SH3GL2: variants seen among roughly 807,000 people sequenced by gnomAD.
The protein encoded by SH3GL2 is SH3 domain containing GRB2 like 2, endophilin A1.
SH3GL2 carries 24 observed loss-of-function variants against 46.0 expected under a neutral mutation model. The observed-to-expected ratio is 0.52, with a 90% CI of 0.38 to 0.73. SH3GL2 has a LOEUF of 0.73. SH3GL2 is among the 30% of genes least tolerant of loss of function. SH3GL2 has a pLI of 0.00. For missense variants in SH3GL2, 413 were observed against 424.2 expected (o/e 0.97, Z 0.23); for synonymous variants, 196 against 147.1 (o/e 1.33, Z -2.40).
intron 3 of SH3GL2, among the ~76,000 whole-genome samples, chr9:17,785,655 T>C (rs933372520): frequency 2.0e-5 from 3 of 152,184 alleles, no homozygotes; most frequent in Admixed American, 2.0e-4. Flanking sequence ...TTAATAAAGC[T>C]GTTTTTGCCA....
At chr9:17,731,609 C>G (rs934267356) in intron 1 of SH3GL2, among the ~76,000 whole-genome samples, 2 of 152,120 alleles carry the variant, frequency 1.3e-5, no homozygotes, top group Non-Finnish European at 2.9e-5. Context: ...TCTTGGGCTT[C>G]TAGTTCTAGA....
intron 1 of SH3GL2, among the ~76,000 whole-genome samples, chr9:17,609,057 C>G (rs997736506): frequency 2.0e-5 from 3 of 152,170 alleles, no homozygotes; most frequent in African/African-American, 7.2e-5. Context: ...GGATCCAGAG[C>G]TGATGAAGGC....
At chr9:17,759,058 C>G (rs1457122616) in intron 2 of SH3GL2, among the ~76,000 whole-genome samples, 1 of 152,094 alleles carries the variant, frequency 6.6e-6, no homozygotes, top group Non-Finnish European at 1.5e-5. Context: ...GGTTGGGCTC[C>G]CTACACAGAG....
intron 1 of SH3GL2, among the ~76,000 whole-genome samples, chr9:17,730,603 A>G (rs1031208865): frequency 6.6e-6 from 1 of 152,088 alleles, no homozygotes; most frequent in African/African-American, 2.4e-5. Flanking sequence ...GGTTTGTCAT[A>G]AATAGCTCTT....
At chr9:17,787,546 G>A (rs769904222) in intron 5 of SH3GL2, 33 bp downstream of exon 5, 2 of 1,589,964 alleles carry the variant, frequency 1.3e-6, no homozygotes, top group African/African-American at 2.7e-5. Flanking sequence ...AAAGTGGGCA[G>A]TTGAAATCAT....
At chr9:17,777,300 A>T (rs1158508658) in intron 3 of SH3GL2, among the ~76,000 whole-genome samples, 1 of 152,134 alleles carries the variant, frequency 6.6e-6, no homozygotes, top group Non-Finnish European at 1.5e-5. Context: ...TATAAAGATA[A>T]AAGCTTCAGA....
intron 1 of SH3GL2, among the ~76,000 whole-genome samples, chr9:17,585,279 C>G (rs1045709906): frequency 9.2e-5 from 14 of 152,170 alleles, no homozygotes; most frequent in African/African-American, 2.9e-4. Flanking sequence ...CTGCTTCAAA[C>G]TTTAAGGTGG....
chr9:17,632,283 A>G (rs1819445254), intron 1 of SH3GL2, among the ~76,000 whole-genome samples: 1 of 152,210 alleles, frequency 6.6e-6, no homozygotes, highest in Non-Finnish European at 1.5e-5. Flanking sequence ...GAGAAAAATA[A>G]TTAAAAAATG....
chr9:17,596,030 A>G (rs751896880), intron 1 of SH3GL2, among the ~76,000 whole-genome samples: 11 of 152,180 alleles, frequency 7.2e-5, no homozygotes, highest in Non-Finnish European at 1.3e-4. Flanking sequence ...CTTTACTTGT[A>G]ACCCCACTTT....
chr9:17,595,224 C>T (rs1254562940), intron 1 of SH3GL2, among the ~76,000 whole-genome samples: 2 of 152,134 alleles, frequency 1.3e-5, no homozygotes, highest in Non-Finnish European at 2.9e-5. Flanking sequence ...CCTATTGTCA[C>T]CTTATATATC....
chr9:17,792,981 A>G (rs1824178116), intron 7 of SH3GL2, among the ~76,000 whole-genome samples: 2 of 152,226 alleles, frequency 1.3e-5, no homozygotes, highest in South Asian at 4.1e-4. Flanking sequence ...GAGGCATGCA[A>G]TGCATAATAA....
intron 6 of SH3GL2, 70 bp downstream of exon 6, chr9:17,789,620 A>T (rs1824064452): frequency 1.3e-6 from 2 of 1,595,048 alleles, no homozygotes; most frequent in African/African-American, 2.7e-5. Context: ...TAAAGGCCAT[A>T]ACCCTTAAAA....
At chr9:17,664,423 A>T (rs1588216160) in intron 1 of SH3GL2, among the ~76,000 whole-genome samples, 1 of 152,132 alleles carries the variant, frequency 6.6e-6, no homozygotes, top group African/African-American at 2.4e-5. Context: ...TCACTTGGAG[A>T]TGCACTCACA....
At chr9:17,634,817 C>G (rs1484482515) in intron 1 of SH3GL2, among the ~76,000 whole-genome samples, 1 of 152,164 alleles carries the variant, frequency 6.6e-6, no homozygotes, top group Non-Finnish European at 1.5e-5. Context: ...CAGAACCACA[C>G]AATACACACA....
chr9:17,795,639 C>T lies in SH3GL2; in HGVS notation c.955C>T (p.Leu319Phe). Residue 319 changes from leucine (L) to phenylalanine (F), a missense_variant, in exon 9 of 9, where the codon CTC (leucine) becomes TTC (phenylalanine). Leu to Phe is a conservative substitution (Grantham distance 22, BLOSUM62 0). This residue lies in a region of SH3GL2 where 248 missense variants were observed against 215.0 expected (regional missense o/e 1.15). Transcript: ENST00000380607. ...LGFKEGDIIT[L>F]TNQIDENWYE... ...ATTTAAAGAGGGCGATATCATCACA[C>T]TCACTAACCAAATTGATGAGAACTG... 1 of 1,613,866 alleles carries T rather than the reference C, an allele frequency of 6.2e-7. No individual in the cohort carries two copies. The highest frequency in any genetic ancestry group is 8.5e-7 in the Non-Finnish European group (1 of 1,179,762).
chr9:17,738,493 C>CATATACATACATATATACATATGTGTGT (rs1563833606), intron 1 of SH3GL2, among the ~76,000 whole-genome samples: 23 of 92,016 alleles, frequency 2.5e-4, no homozygotes, highest in African/African-American at 6.6e-4. Context: ...TACACACACA[C>CATATACATACATATATACATATGTGTGT]ATATACATAC....
At chr9:17,668,214 A>G (rs921184340) in intron 1 of SH3GL2, among the ~76,000 whole-genome samples, 1 of 152,228 alleles carries the variant, frequency 6.6e-6, no homozygotes, top group Admixed American at 6.5e-5. Context: ...TACAAAGACT[A>G]ATGACGATGT....
intron 1 of SH3GL2, among the ~76,000 whole-genome samples, chr9:17,725,099 A>T (rs577717878): frequency 3.3e-5 from 5 of 152,092 alleles, no homozygotes; most frequent in African/African-American, 1.2e-4. Context: ...CTCCCTTCCT[A>T]GGAGTCACCC....
chr9:17,674,902 T>A (rs1820569911), intron 1 of SH3GL2, among the ~76,000 whole-genome samples: 1 of 152,098 alleles, frequency 6.6e-6, no homozygotes, highest in African/African-American at 2.4e-5. Flanking sequence ...TCATTAACAT[T>A]GTCTTGGCCA....
Sources: allele counts gnomAD v4.1 joint callset (sites outside exome capture counted in the v4.1 genomes callset), GRCh38; gene constraint gnomAD v4.1.1; regional missense constraint gnomAD v4.1.1; transcripts MANE v1.5; gene names NCBI Gene and HGNC (gene_info 2026-07-23, HGNC 2026-07-21).